CACNA1C: variants seen among roughly 807,000 people sequenced by gnomAD.
CACNA1C encodes voltage-dependent L-type calcium channel subunit alpha-1C.
A neutral mutation model predicts 229.0 loss-of-function variants in CACNA1C; 30 were observed. The observed-to-expected ratio is 0.13, with a 90% CI of 0.10 to 0.18. CACNA1C has a LOEUF of 0.18. CACNA1C is among the 10% of genes least tolerant of loss of function. The pLI is 1.00. For synonymous variants in CACNA1C, 1,114 were observed against 1,132.5 expected (o/e 0.98, Z 0.33); for missense variants, 1,658 against 2,845.0 (o/e 0.58, Z 9.49).
chr12:2,147,752 ACTT>A (rs1454947350), intron 3 of CACNA1C, among the ~76,000 whole-genome samples: 1 of 125,254 alleles, frequency 8.0e-6, no homozygotes, highest in Non-Finnish European at 1.6e-5. Context: ...GTGAAAGAAG[ACTT>A]CTTTCTACTC....
At chr12:2,153,370 T>C (rs888529847) in intron 3 of CACNA1C, among the ~76,000 whole-genome samples, 2 of 152,176 alleles carry the variant, frequency 1.3e-5, no homozygotes, top group Admixed American at 6.5e-5. Context: ...AAAGTGGCAT[T>C]GAGTACATTC....
intron 9 of CACNA1C, among the ~76,000 whole-genome samples, chr12:2,534,874 A>G (rs948525988): frequency 6.6e-6 from 1 of 151,978 alleles, no homozygotes; most frequent in Admixed American, 6.6e-5. Context: ...TTTTTCTTCT[A>G]CTGTTCTCTA....
intron 1 of CACNA1C, among the ~76,000 whole-genome samples, chr12:1,973,972 T>C (rs1049507729): frequency 1.3e-5 from 2 of 152,188 alleles, no homozygotes; most frequent in African/African-American, 4.8e-5. Context: ...GTCCCAACTT[T>C]TTCTTTGCTC....
rs917201821 is a variant in CACNA1C, at chr12:2,689,310, G to A, written c.6117+531G>A. Reference sequence around the variant, plus strand: ...CGGCACCACATTATTAGGGACCTTTGACACACTGGAACAAACCCAACAGAG... The same window carrying A: ...CGGCACCACATTATTAGGGACCTTTAACACACTGGAACAAACCCAACAGAG... On this transcript the variant is annotated intron_variant, in intron 46 of 46. Transcript: ENST00000399655. The surrounding 1 kb of genome is among the most constrained non-coding windows in gnomAD (Gnocchi z 4.2). 2.0e-5 allele frequency among the ~76,000 whole-genome samples: 3 copies of A among 152,148 alleles called. No individual in the cohort carries two copies. The highest frequency in any genetic ancestry group is 2.0e-4 in the Admixed American group (3 of 15,280).
At position 2,187,014 on chromosome 12, in the gene CACNA1C, C is replaced by T. The variant is rs112672187; in HGVS notation, c.477+66584C>T. 1.2e-4 allele frequency among the ~76,000 whole-genome samples: 19 copies of T among 152,286 alleles called. 1 individual carries two copies. The highest frequency in any genetic ancestry group is 4.6e-4 in the African/African-American group (19 of 41,562). ...CGACCCCTTTCCTGTCCTGCTGCCC[C>T]CTTGCCTGTCCTGCTGCCCCCATCC... On this transcript the variant is annotated intron_variant, in intron 3 of 46. Coordinates refer to ENST00000399655, the MANE Select transcript of CACNA1C (RefSeq NM_000719.7).
intron 9 of CACNA1C, among the ~76,000 whole-genome samples, chr12:2,542,995 T>C (rs1191985249): frequency 4.6e-5 from 7 of 152,218 alleles, no homozygotes; most frequent in Non-Finnish European, 7.3e-5. Flanking sequence ...AGACTGGTCA[T>C]TTTCTTAGCA....
chr12:2,019,210 C>G (rs371749987), intron 1 of CACNA1C, among the ~76,000 whole-genome samples: 1 of 152,062 alleles, frequency 6.6e-6, no homozygotes, highest in South Asian at 2.1e-4. Context: ...ACCTGTAATC[C>G]TGACCCTTTG....
intron 29 of CACNA1C, among the ~76,000 whole-genome samples, chr12:2,631,093 T>G (rs2090189856): frequency 6.6e-6 from 1 of 152,320 alleles, no homozygotes; most frequent in South Asian, 2.1e-4. Context: ...CTGTGTGTGT[T>G]TCTCTGGTTT....
At chr12:2,245,348 C>A (rs1226007427) in intron 3 of CACNA1C, among the ~76,000 whole-genome samples, 2 of 152,156 alleles carry the variant, frequency 1.3e-5, no homozygotes, top group Non-Finnish European at 2.9e-5. Flanking sequence ...GCTTAGCCAC[C>A]CGGGTTTAAA....
chr12:2,250,616 A>G (rs2075253044), intron 3 of CACNA1C, among the ~76,000 whole-genome samples: 1 of 152,118 alleles, frequency 6.6e-6, no homozygotes, highest in African/African-American at 2.4e-5. Flanking sequence ...ATACCCACTG[A>G]GCCAATGGAG....
At chr12:2,260,672 G>C (rs573872863) in intron 3 of CACNA1C, among the ~76,000 whole-genome samples, 9 of 152,112 alleles carry the variant, frequency 5.9e-5, no homozygotes, top group Non-Finnish European at 1.2e-4. Flanking sequence ...CTAAAGTCCT[G>C]TTTTGAACAC....
intron 3 of CACNA1C, among the ~76,000 whole-genome samples, chr12:2,300,823 G>A (rs1343366950): frequency 6.6e-6 from 1 of 152,192 alleles, no homozygotes; most frequent in African/African-American, 2.4e-5. Flanking sequence ...CCATGGAGGT[G>A]GCTGGGGGAG....
chr12:2,492,847 A>G (rs2099739022), intron 6 of CACNA1C, among the ~76,000 whole-genome samples: 1 of 152,220 alleles, frequency 6.6e-6, no homozygotes, highest in Non-Finnish European at 1.5e-5. Flanking sequence ...CAGTGGTGGC[A>G]TCATCATTAT....
At chr12:2,210,491 G>A (rs1055720025) in intron 3 of CACNA1C, among the ~76,000 whole-genome samples, 4 of 152,192 alleles carry the variant, frequency 2.6e-5, no homozygotes, top group Non-Finnish European at 4.4e-5. Context: ...GCCTGGGATT[G>A]ATGTTGGTAC....
At chr12:2,556,234 C>G (rs1419193013) in intron 10 of CACNA1C, among the ~76,000 whole-genome samples, 1 of 152,162 alleles carries the variant, frequency 6.6e-6, no homozygotes, top group Admixed American at 6.5e-5. Context: ...CTGGACTCTT[C>G]CCTACATGAC....
intron 3 of CACNA1C, among the ~76,000 whole-genome samples, chr12:2,370,430 A>C (rs2097837100): frequency 6.6e-6 from 1 of 152,238 alleles, no homozygotes; most frequent in South Asian, 2.1e-4. Context: ...GTATAACAGC[A>C]AGAAAAGAGG....
chr12:2,421,271 T>C (rs2098976335), intron 3 of CACNA1C, among the ~76,000 whole-genome samples: 1 of 152,226 alleles, frequency 6.6e-6, no homozygotes, highest in Non-Finnish European at 1.5e-5. Context: ...ACCTCTCATA[T>C]AACTTCTGAA....
At chr12:2,143,368 C>T (rs2094440289) in intron 3 of CACNA1C, among the ~76,000 whole-genome samples, 1 of 151,122 alleles carries the variant, frequency 6.6e-6, no homozygotes, top group East Asian at 1.9e-4. Context: ...ATTCACTCAC[C>T]ACTCACTCAC....
At chr12:2,550,884 C>T (rs952453521) in intron 10 of CACNA1C, among the ~76,000 whole-genome samples, 8 of 152,176 alleles carry the variant, frequency 5.3e-5, no homozygotes, top group Admixed American at 3.3e-4. Context: ...CTCTCACAGC[C>T]GCTGTTTCCA....
Sources: allele counts gnomAD v4.1 joint callset (sites outside exome capture counted in the v4.1 genomes callset), GRCh38; gene constraint gnomAD v4.1.1; non-coding constraint Gnocchi (gnomAD v3.1); transcripts MANE v1.5; gene names NCBI Gene and HGNC (gene_info 2026-07-23, HGNC 2026-07-21).